ALG6: variants seen among roughly 807,000 people sequenced by gnomAD.
The protein encoded by ALG6 is dolichyl pyrophosphate Man9GlcNAc2 alpha-1,3-glucosyltransferase.
ALG6 carries 46 observed loss-of-function variants against 66.6 expected under a neutral mutation model. That is an observed-to-expected ratio of 0.69 (90% CI 0.55 to 0.88). ALG6 has a LOEUF of 0.88. ALG6 is among the 40% of genes least tolerant of loss of function. ALG6 has a pLI of 0.00. For missense variants in ALG6, 505 were observed against 586.8 expected, an observed-to-expected ratio of 0.86 and a Z score of 1.44; for synonymous variants, 185 against 203.7, an observed-to-expected ratio of 0.91 and a Z score of 0.78.
rs1179707693 is a variant in ALG6 at position 63,370,963 on chromosome 1, T to A, written c.-15T>A. Reference sequence around the variant, plus strand: ...TGGTGCTGTGTTTTCTTCCCCTCCCTAAATTTGAAGAACTATGGAGAAATG... The same window carrying A: ...TGGTGCTGTGTTTTCTTCCCCTCCCAAAATTTGAAGAACTATGGAGAAATG... On this transcript the variant is annotated 5_prime_UTR_variant, in exon 2 of 15. Coordinates refer to ENST00000263440, the MANE Select transcript of ALG6 (RefSeq NM_013339.4). 12 of 1,568,280 alleles carry A rather than the reference T, an allele frequency of 7.7e-6. No homozygotes were observed. Among genetic ancestry groups the A allele is most frequent in the Non-Finnish European group, 1.1e-5 (12 of 1,138,230 alleles).
At chr1:63,436,795 T>G in intron 14 of ALG6, 28 bp from the exon 15 acceptor site, 2 of 1,604,248 alleles carry the variant, frequency 1.2e-6, no homozygotes, top group Non-Finnish European at 1.7e-6. Flanking sequence ...CCTTTTATAC[T>G]ACTCAGTAAT....
chr1:63,385,799 T>C (rs1052782806), intron 2 of ALG6, among the ~76,000 whole-genome samples: 4 of 152,184 alleles, frequency 2.6e-5, no homozygotes, highest in Admixed American at 6.5e-5. Context: ...CCAGTTTGGG[T>C]GACCTTTATT....
Position 63,402,245 on chromosome 1 carries a change from CT to C in ALG6, c.168-4del. The C allele has an allele frequency of 1.3e-6, 2 of 1,556,876 alleles. No homozygotes were observed. Among genetic ancestry groups the C allele is most frequent in the Non-Finnish European group, 1.8e-6 (2 of 1,128,920 alleles). On this transcript the variant is annotated splice_polypyrimidine_tract_variant and splice_region_variant and intron_variant, in intron 3 of 14. Coordinates refer to ENST00000263440, the MANE Select transcript of ALG6 (RefSeq NM_013339.4). ...CGGAATGGTGCTTTCTTCTTTTTTT[CT>C]TTTTCAGGTATTTTAACAGCAGTGA...
intron 11 of ALG6, 118 bp from the exon 12 acceptor site, chr1:63,419,252 A>T: frequency 1.2e-6 from 1 of 843,690 alleles, no homozygotes; most frequent in Non-Finnish European, 1.9e-6. Flanking sequence ...ACTTCTAAAT[A>T]GAGCTTTAAT....
intron 3 of ALG6, among the ~76,000 whole-genome samples, chr1:63,399,968 G>A (rs752783919): frequency 2.0e-5 from 3 of 151,094 alleles, no homozygotes; most frequent in Non-Finnish European, 4.4e-5. Flanking sequence ...AGACCAAGGC[G>A]GGCAGATCAC....
At chr1:63,435,949 C>T (rs1360876576) in intron 14 of ALG6, among the ~76,000 whole-genome samples, 2 of 152,134 alleles carry the variant, frequency 1.3e-5, no homozygotes, top group African/African-American at 4.8e-5. Flanking sequence ...TTTTACTACT[C>T]AGCTTGGTAT....
At chr1:63,382,670 T>G (rs1648363408) in intron 2 of ALG6, among the ~76,000 whole-genome samples, 2 of 58,398 alleles carry the variant, frequency 3.4e-5, no homozygotes, top group Non-Finnish European at 6.9e-5. Flanking sequence ...TTTTTGTTTT[T>G]TTTTTTTTGT....
Position 63,419,393 on chromosome 1 carries a change from T to C in ALG6, c.1011T>C (p.Phe337=), listed in dbSNP as rs2100428006. 1 of 1,610,388 alleles carries C rather than the reference T, an allele frequency of 6.2e-7. No individual in the cohort carries two copies. The highest frequency in any genetic ancestry group is 8.5e-7 in the Non-Finnish European group (1 of 1,178,264). ...FTLVSCALSF[F]LFSFQVHEKS... The stretch of plus-strand genomic sequence containing the variant: ...AGGTTAGCTGTGCGCTATCATTCTT[T>C]TTATTTTCTTTCCAAGTACATGAAA... Residue 337 remains phenylalanine, a synonymous_variant, in exon 12 of 15, where the codon TTT becomes TTC. Transcript: ENST00000263440.
intron 2 of ALG6, among the ~76,000 whole-genome samples, chr1:63,373,161 G>GA (rs1165554635): frequency 1.1e-4 from 16 of 151,126 alleles, no homozygotes; most frequent in Admixed American, 7.9e-4. Context: ...CGTGCACCAC[G>GA]ACGCCTGGCT....
chr1:63,420,171 G>A (rs777236898), intron 12 of ALG6, among the ~76,000 whole-genome samples: 2 of 152,102 alleles, frequency 1.3e-5, no homozygotes, highest in African/African-American at 2.4e-5. Context: ...TAAAACCTTC[G>A]TGCAGAGCTG....
At chr1:63,395,366 C>T (rs35653123) in intron 2 of ALG6, among the ~76,000 whole-genome samples, 27,248 of 152,126 alleles carry the variant, frequency 0.18, 2,625 homozygotes, top group Middle Eastern at 0.24. Flanking sequence ...GTTTTTGACC[C>T]TATACTTGAC....
In ALG6 at chr1:63,433,027, C is replaced by T. The variant is rs1329732871; in HGVS notation, c.1327-3796C>T. Among the ~76,000 whole-genome samples, 2 of 152,190 alleles carry T rather than the reference C, an allele frequency of 1.3e-5. No homozygotes were observed. Among genetic ancestry groups the T allele is most frequent in the Non-Finnish European group, 2.9e-5 (2 of 68,030 alleles). ...GCACGAACTTGGCTCACTGCAACCT[C>T]AACCTCCTGGGTTTATGCAATTCTT... On this transcript the variant is annotated intron_variant, in intron 14 of 14. Transcript: ENST00000263440. The surrounding 1 kb of genome is among the most constrained non-coding windows in gnomAD (Gnocchi z 4.2).
intron 2 of ALG6, among the ~76,000 whole-genome samples, chr1:63,386,547 T>C (rs1648508774): frequency 6.6e-6 from 1 of 152,188 alleles, no homozygotes; most frequent in African/African-American, 2.4e-5. Flanking sequence ...CTTGGTAGGT[T>C]GTACGTGTCT....
At chr1:63,416,419 G>T (rs1275960318) in intron 11 of ALG6, among the ~76,000 whole-genome samples, 3 of 151,910 alleles carry the variant, frequency 2.0e-5, no homozygotes, top group Non-Finnish European at 4.4e-5. Flanking sequence ...CAGAAGAGAA[G>T]TTCAAAACAG....
chr1:63,421,254 C>T (rs1249209477), intron 12 of ALG6, among the ~76,000 whole-genome samples: 6 of 152,106 alleles, frequency 3.9e-5, no homozygotes, highest in Admixed American at 3.9e-4. Flanking sequence ...TCTTGGCTCA[C>T]CACAACCTCC....
intron 10 of ALG6, among the ~76,000 whole-genome samples, chr1:63,415,563 G>T (rs1472712693): frequency 6.6e-6 from 1 of 151,944 alleles, no homozygotes; most frequent in Non-Finnish European, 1.5e-5. Context: ...TTTGATAATT[G>T]ACCTTCAACT....
intron 2 of ALG6, among the ~76,000 whole-genome samples, chr1:63,385,345 G>A (rs539419784): frequency 4.6e-5 from 7 of 151,370 alleles, no homozygotes; most frequent in Non-Finnish European, 8.8e-5. Context: ...GATTATAGGC[G>A]CATGCCACCA....
chr1:63,414,904 C>T (rs2100424228), intron 10 of ALG6, among the ~76,000 whole-genome samples: 1 of 152,198 alleles, frequency 6.6e-6, no homozygotes, highest in East Asian at 1.9e-4. Flanking sequence ...CAATTCAGAC[C>T]CAGATGCTGT....
intron 12 of ALG6, among the ~76,000 whole-genome samples, chr1:63,424,991 G>A (rs1232119811): frequency 6.6e-6 from 1 of 152,068 alleles, no homozygotes; most frequent in Admixed American, 6.5e-5. Flanking sequence ...TGTTGGTCAG[G>A]CTGGTCTCGA....
Sources: gnomAD v4.1 joint callset for allele counts (sites outside exome capture counted in the v4.1 genomes callset) on GRCh38, gnomAD v4.1.1 for gene constraint, Gnocchi (gnomAD v3.1) non-coding constraint, MANE v1.5 for transcripts, NCBI Gene and HGNC (gene_info 2026-07-23, HGNC 2026-07-21) for gene names.